SPMIP3: variants seen among roughly 807,000 people sequenced by gnomAD.
The protein encoded by SPMIP3 is sperm microtubule inner protein 3, also known as protein SPMIP3.
the SPMIP3 span, among the ~76,000 whole-genome samples, chr1:244,384,626 G>A: frequency 2.0e-5 from 3 of 152,160 alleles, no homozygotes; most frequent in Non-Finnish European, 4.4e-5. Flanking sequence ...GGGGTCCCAG[G>A]CATCAGTCAT....
chr1:244,378,833 C>G, the SPMIP3 span, among the ~76,000 whole-genome samples: 1 of 144,880 alleles, frequency 6.9e-6, no homozygotes, highest in Admixed American at 6.9e-5. Flanking sequence ...CTACCTAGTT[C>G]CCTGCAGAGG....
the SPMIP3 span, among the ~76,000 whole-genome samples, chr1:244,387,746 G>T: frequency 6.6e-6 from 1 of 152,166 alleles, no homozygotes; most frequent in Non-Finnish European, 1.5e-5. Flanking sequence ...CAGTGTTTCA[G>T]GTGAAGTCCA....
At chr1:244,364,229 C>G in the SPMIP3 span, among the ~76,000 whole-genome samples, 1 of 152,062 alleles carries the variant, frequency 6.6e-6, no homozygotes, top group African/African-American at 2.4e-5. Flanking sequence ...CTCAGCCTCC[C>G]AAACAGCTGG....
At chr1:244,368,197 G>A in the SPMIP3 span, among the ~76,000 whole-genome samples, 2 of 152,226 alleles carry the variant, frequency 1.3e-5, no homozygotes, top group South Asian at 4.2e-4. Context: ...GACCTCAAAT[G>A]ATCCACTCAA....
At chr1:244,358,550 A>G in the SPMIP3 span, among the ~76,000 whole-genome samples, 2 of 150,150 alleles carry the variant, frequency 1.3e-5, no homozygotes, top group Admixed American at 1.3e-4. Flanking sequence ...GCGCCACTGT[A>G]TTCCAGCCTA....
the SPMIP3 span, among the ~76,000 whole-genome samples, chr1:244,378,877 T>C: frequency 3.9e-5 from 6 of 152,212 alleles, no homozygotes; most frequent in African/African-American, 1.4e-4. Context: ...CATATATCCT[T>C]ATTAACACAC....
the SPMIP3 span, among the ~76,000 whole-genome samples, chr1:244,358,589 A>G: frequency 2.0e-5 from 3 of 149,258 alleles, no homozygotes; most frequent in Non-Finnish European, 4.4e-5. Flanking sequence ...TCTCAAAAAA[A>G]AAAAAAATTA....
the SPMIP3 span, among the ~76,000 whole-genome samples, chr1:244,374,213 T>C: frequency 6.6e-6 from 1 of 152,182 alleles, no homozygotes; most frequent in Non-Finnish European, 1.5e-5. Context: ...AGCCCCGTTG[T>C]ATTCCACTTG....
At chr1:244,353,348 C>T in the SPMIP3 span, among the ~76,000 whole-genome samples, 1 of 152,104 alleles carries the variant, frequency 6.6e-6, no homozygotes, top group Admixed American at 6.5e-5. Context: ...AGTTTGAGAC[C>T]AGCCCGGGCA....
chr1:244,374,585 C>CTT, the SPMIP3 span, among the ~76,000 whole-genome samples: 2 of 127,298 alleles, frequency 1.6e-5, no homozygotes, highest in African/African-American at 6.0e-5. Flanking sequence ...TCCCACATTT[C>CTT]TCTTTTTTTT....
the SPMIP3 span, among the ~76,000 whole-genome samples, chr1:244,384,305 G>A: frequency 1.3e-5 from 2 of 152,162 alleles, no homozygotes; most frequent in African/African-American, 4.8e-5. Flanking sequence ...CCAGGCTCAA[G>A]TGATCCTCCT....
chr1:244,376,681 C>T, the SPMIP3 span, among the ~76,000 whole-genome samples: 5 of 152,274 alleles, frequency 3.3e-5, no homozygotes, highest in East Asian at 1.9e-4. Context: ...ACATACCATA[C>T]GATTTATCCA....
chr1:244,357,019 C>G, the SPMIP3 span, among the ~76,000 whole-genome samples: 1 of 148,896 alleles, frequency 6.7e-6, no homozygotes, highest in African/African-American at 2.5e-5. Flanking sequence ...ACCTCCCAGG[C>G]TCAAGTGATC....
the SPMIP3 span, among the ~76,000 whole-genome samples, chr1:244,387,510 T>C: frequency 2.6e-5 from 2 of 77,852 alleles, no homozygotes; most frequent in Non-Finnish European, 4.8e-5. Context: ...GGAGAGTGGG[T>C]GTAGACATGT....
chr1:244,371,155 G>A, the SPMIP3 span, among the ~76,000 whole-genome samples: 1 of 152,164 alleles, frequency 6.6e-6, no homozygotes, highest in Non-Finnish European at 1.5e-5. Flanking sequence ...GAACAGGTTT[G>A]CTCTCATGTG....
chr1:244,377,244 C>T, the SPMIP3 span, among the ~76,000 whole-genome samples: 2 of 152,132 alleles, frequency 1.3e-5, no homozygotes, highest in South Asian at 2.1e-4. Context: ...GCCTCAGCCT[C>T]CCGAGTAGCT....
the SPMIP3 span, among the ~76,000 whole-genome samples, chr1:244,356,604 G>T: frequency 6.6e-6 from 1 of 152,164 alleles, no homozygotes; most frequent in Non-Finnish European, 1.5e-5. Flanking sequence ...TAACCTCAGT[G>T]GTCTGGGGGC....
chr1:244,364,885 T>A, the SPMIP3 span: 1 of 1,010,784 alleles, frequency 9.9e-7, no homozygotes, highest in South Asian at 1.4e-5. Context: ...GGGAAGCTCT[T>A]TGGATATTTC....
the SPMIP3 span, among the ~76,000 whole-genome samples, chr1:244,370,239 C>A: frequency 6.6e-6 from 1 of 152,168 alleles, no homozygotes; most frequent in Admixed American, 6.5e-5. Flanking sequence ...AAGACAGTAT[C>A]ATTCCCATTT....
Sources: allele counts gnomAD v4.1 joint callset (sites outside exome capture counted in the v4.1 genomes callset), GRCh38; gene constraint gnomAD v4.1.1; transcripts MANE v1.5; gene names NCBI Gene and HGNC (gene_info 2026-07-23, HGNC 2026-07-21).